Variants in ADGRG2 observed in about 807,000 individuals in gnomAD.
ADGRG2 encodes the protein adhesion G protein-coupled receptor G2.
A neutral mutation model predicts 74.1 loss-of-function variants in ADGRG2; 26 were observed. The ratio of observed to expected loss-of-function variants is 0.35; its 90% confidence interval spans 0.26 to 0.49. The LOEUF is 0.49. Ranked by LOEUF, ADGRG2 falls within the 20% of genes least tolerant of loss-of-function variation. ADGRG2 has a pLI of 0.99. For synonymous variants in ADGRG2, 296 were observed against 295.2 expected (o/e 1.00, Z -0.03); for missense variants, 619 against 763.1 (o/e 0.81, Z 2.22).
intron 3 of ADGRG2, among the ~76,000 whole-genome samples, chrX:19,053,702 A>G (rs1330876869): frequency 8.9e-6 from 1 of 112,490 alleles, no homozygotes; most frequent in Non-Finnish European, 1.9e-5. Context: ...TCAAGTCAGT[A>G]GTTAATACAA....
At chrX:19,102,078 G>A (rs1054239407) in intron 1 of ADGRG2, among the ~76,000 whole-genome samples, 52 of 109,037 alleles carry the variant, frequency 4.8e-4, no homozygotes, top group East Asian at 1.5e-3. Context: ...GAAGTATTGC[G>A]GTGAAAATAT....
At chrX:19,024,966 C>T (rs1001718379) in intron 11 of ADGRG2, among the ~76,000 whole-genome samples, 1 of 111,611 alleles carries the variant, frequency 9.0e-6, no homozygotes, top group African/African-American at 3.3e-5. Context: ...GTAGAGACCA[C>T]GTCTCACCAT....
chrX:19,104,627 A>C (rs2062247682), intron 1 of ADGRG2, among the ~76,000 whole-genome samples: 1 of 111,420 alleles, frequency 9.0e-6, no homozygotes, highest in African/African-American at 3.3e-5. Context: ...TCAGAAGGTA[A>C]CTCTGCTGGG....
At chrX:19,075,611 T>C (rs1338177414) in intron 2 of ADGRG2, among the ~76,000 whole-genome samples, 1 of 72,996 alleles carries the variant, frequency 1.4e-5, no homozygotes. Flanking sequence ...GAGCAAGACT[T>C]CGCCTCAAAA....
chrX:19,028,386 A>T lies in ADGRG2; in HGVS notation c.359-148T>A, dbSNP rs571943083. On this transcript the variant is annotated intron_variant, in intron 9 of 28. Coordinates refer to ENST00000379869, the MANE Select transcript of ADGRG2 (RefSeq NM_001079858.3). Reference sequence around the variant, plus strand: ...TTTGTCAGTAAGTTACTCAACTATTATCAATATAATTTTCAGAAAATATGA... The same window carrying T: ...TTTGTCAGTAAGTTACTCAACTATTTTCAATATAATTTTCAGAAAATATGA... The T allele has an allele frequency of 1.1e-4, 36 of 325,706 alleles. 1 individual carries two copies. In the South Asian group the frequency reaches 3.6e-3, roughly 32 times the overall value. 26.8% of individuals were successfully genotyped at this position (325,706 alleles called of 1,213,427 possible).
intron 1 of ADGRG2, among the ~76,000 whole-genome samples, chrX:19,083,508 T>A (rs147765079): frequency 0.014 from 1,561 of 111,062 alleles, 23 homozygotes; most frequent in African/African-American, 0.049. Flanking sequence ...CTCCTTGATA[T>A]CAAGGATTGG....
At chrX:19,039,715 TG>T (rs889836974) in intron 4 of ADGRG2, among the ~76,000 whole-genome samples, 1 of 112,197 alleles carries the variant, frequency 8.9e-6, no homozygotes, top group Non-Finnish European at 1.9e-5. Flanking sequence ...CTTGCCAATC[TG>T]GGTTCTAATG....
intron 11 of ADGRG2, among the ~76,000 whole-genome samples, chrX:19,024,992 C>T (rs185246705): frequency 1.8e-3 from 196 of 111,716 alleles, no homozygotes; most frequent in African/African-American, 5.8e-3. Flanking sequence ...CCAGGCTGGT[C>T]TCAAACTCCT....
intron 3 of ADGRG2, among the ~76,000 whole-genome samples, chrX:19,067,744 T>C (rs893754810): frequency 8.9e-5 from 10 of 111,993 alleles, no homozygotes; most frequent in Admixed American, 1.9e-4. Context: ...ATATATCTGA[T>C]AAGGGATTAA....
intron 8 of ADGRG2, chrX:19,032,108 A>G (rs2060837630): frequency 8.9e-6 from 1 of 112,139 alleles, no homozygotes. Flanking sequence ...TTTGGGTACA[A>G]ACTAAAATTA....
At position 19,010,589 on chromosome X, in the gene ADGRG2, C is replaced by A. The variant is rs769871065; in HGVS notation, c.1265+24G>T. On this transcript the variant is annotated intron_variant, in intron 17 of 28. Transcript: ENST00000379869. ...ATCTTTGGAGGGTCCCCTCTTACCA[C>A]CACTTCAGTTTGCGAAGTCGTACCT... is the stretch of plus-strand genomic sequence containing the variant. 4.2e-6 allele frequency: 5 copies of A among 1,180,746 alleles called. No individual in the cohort carries two copies. The Admixed American group carries it at 9.0e-5, about 21-fold the overall frequency.
Position 19,054,431 on chromosome X carries a change from AT to A in ADGRG2, c.119-14208del, listed in dbSNP as rs1439280554. ...CAGGCTGGCTTCTAAAAAGTAACTA[AT>A]TTTTTTCTGATTACAATCATAATGT... On this transcript the variant is annotated intron_variant, in intron 3 of 28. Coordinates refer to ENST00000379869, the MANE Select transcript of ADGRG2 (RefSeq NM_001079858.3). 2.1e-4 allele frequency among the ~76,000 whole-genome samples: 23 copies of A among 111,642 alleles called. 1 individual carries two copies. The highest frequency in any genetic ancestry group is 7.6e-4 in the South Asian group (2 of 2,644).
intron 1 of ADGRG2, among the ~76,000 whole-genome samples, chrX:19,085,417 C>T (rs957605173): frequency 1.8e-5 from 2 of 111,297 alleles, no homozygotes; most frequent in Non-Finnish European, 1.9e-5. Context: ...CAGCCTCCCA[C>T]TCCTGGGTTC....
intron 15 of ADGRG2, among the ~76,000 whole-genome samples, chrX:19,015,529 G>A (rs1226363484): frequency 8.9e-6 from 1 of 112,667 alleles, no homozygotes; most frequent in Non-Finnish European, 1.9e-5. Context: ...GACCAGCCTG[G>A]CCAACATGGC....
intron 3 of ADGRG2, among the ~76,000 whole-genome samples, chrX:19,068,297 A>C (rs748596705): frequency 8.9e-5 from 10 of 112,479 alleles, no homozygotes; most frequent in Non-Finnish European, 1.9e-4. Flanking sequence ...AAAAGAATGA[A>C]ATTCTGATAC....
In ADGRG2 at chrX:18,995,025, C is replaced by A. The variant is rs1047169270; in HGVS notation, c.2740G>T (p.Gly914Cys). The A allele has an allele frequency of 3.3e-6, 4 of 1,199,714 alleles. No individual in the cohort carries two copies. Among genetic ancestry groups the A allele is most frequent in the Non-Finnish European group, 4.5e-6 (4 of 888,263 alleles). ...TGGTTTACAGTCTGCTTCTTTAAAC[C>A]ATTAGTAGCAGTTTTACTCCAGTCT... ...NSDWSKTATNGLKKQTVNQGV... is the reference protein window; with the variant it reads ...NSDWSKTATNCLKKQTVNQGV... The change falls in exon 28 of 29, where the codon GGT becomes TGT. Residue 914 changes from glycine (G) to cysteine (C), a missense_variant. Transcript: ENST00000379869.
In ADGRG2 at chrX:19,005,644, C is replaced by T. The variant is rs185648899; in HGVS notation, c.1839+358G>A. On this transcript the variant is annotated intron_variant, in intron 22 of 28. Transcript: ENST00000379869. ...TTTCGGCTTACTGCAACCTCTGCCT[C>T]CCAGGATCAAGCGATTATCCTGCCT... Among the ~76,000 whole-genome samples the T allele has an allele frequency of 4.9e-3, 530 of 108,132 alleles. 1 individual carries two copies. Among genetic ancestry groups the T allele is most frequent in the Middle Eastern group, 0.019 (4 of 211 alleles). 93.9% of individuals were successfully genotyped at this position (108,132 alleles called of 115,157 possible). A position where few individuals can be genotyped will look rare whatever the true frequency, so the allele number is the denominator to read the frequency against.
rs1280014557 is a variant in ADGRG2 at position 19,009,661 on chromosome X, T to C, written c.1387A>G (p.Thr463Ala). 1.7e-6 allele frequency: 2 copies of C among 1,208,885 alleles called. No individual in the cohort carries two copies. Among genetic ancestry groups the C allele is most frequent in the Non-Finnish European group, 2.2e-6 (2 of 892,838 alleles). Residue 463 changes from threonine (T) to alanine (A), a missense_variant, in exon 18 of 29, where the codon ACT (threonine) becomes GCT (alanine). Thr to Ala is a moderately conservative substitution (Grantham distance 58). Coordinates refer to ENST00000379869, the MANE Select transcript of ADGRG2 (RefSeq NM_001079858.3). The stretch of plus-strand genomic sequence containing the variant: ...GCAGGGTCTTGGGCCACAAAGGTAG[T>C]TGTGTTGAAACTACTGGCATTCACT... ...IRVNASSFNT[T>A]TFVAQDPANL...
At chrX:19,082,035 T>C (rs2061854231) in intron 2 of ADGRG2, among the ~76,000 whole-genome samples, 1 of 87,076 alleles carries the variant, frequency 1.1e-5, no homozygotes, top group African/African-American at 4.8e-5. Flanking sequence ...ACTGCGCCAC[T>C]GCGCTCCTAC....
Sources: allele counts gnomAD v4.1 joint callset (sites outside exome capture counted in the v4.1 genomes callset), GRCh38; gene constraint gnomAD v4.1.1; transcripts MANE v1.5; gene names NCBI Gene and HGNC (gene_info 2026-07-23, HGNC 2026-07-21).